ADGRL3: variants seen among roughly 807,000 people sequenced by gnomAD.
The protein encoded by ADGRL3 is adhesion G protein-coupled receptor L3, also known as calcium-independent alpha-latrotoxin receptor 3.
In ADGRL3, 62 loss-of-function variants were observed where a neutral mutation model predicts 153.5. The ratio of observed to expected loss-of-function variants is 0.40; its 90% CI spans 0.33 to 0.50. The LOEUF is 0.50. Among genes scored for constraint, ADGRL3 ranks in the 20% least tolerant of loss-of-function variants. The probability of loss-of-function intolerance (pLI) is 0.47; values close to 1 mark genes in which losing one functional copy is unlikely to be tolerated. For missense variants in ADGRL3, 1,641 were observed against 1,859.4 expected (o/e 0.88, Z 2.16); for synonymous variants, 710 against 672.5 (o/e 1.06, Z -0.86).
chr4:61,262,998 G>A (rs1485298500), intron 1 of ADGRL3, among the ~76,000 whole-genome samples: 1 of 151,956 alleles, frequency 6.6e-6, no homozygotes. Context: ...TAGGATCTGT[G>A]CATATTTATA....
chr4:61,592,781 A>T (rs1156582249), intron 5 of ADGRL3, among the ~76,000 whole-genome samples: 1 of 152,180 alleles, frequency 6.6e-6, no homozygotes, highest in Non-Finnish European at 1.5e-5. Flanking sequence ...AGAGTTAAAA[A>T]ATTTAGTAAA....
chr4:61,406,831 G>A lies in ADGRL3; in HGVS notation c.-174+23642G>A, dbSNP rs2097005426. 7.2e-5 allele frequency among the ~76,000 whole-genome samples: 11 copies of A among 151,986 alleles called. No homozygotes were observed. In the South Asian group the frequency reaches 2.1e-3, roughly 29 times the overall value. On this transcript the variant is annotated intron_variant, in intron 2 of 26. Transcript: ENST00000683033. ...ACACTGTTAGTATTGTTCTTTAATA[G>A]GTGAGCTTATCTCCTATAATGGCTA...
chr4:61,964,281 A>G (rs1356463140), intron 17 of ADGRL3, among the ~76,000 whole-genome samples: 1 of 152,204 alleles, frequency 6.6e-6, no homozygotes, highest in Non-Finnish European at 1.5e-5. Context: ...TAAGAATCGT[A>G]TTGAGAATTA....
intron 26 of ADGRL3, among the ~76,000 whole-genome samples, chr4:62,069,579 A>T (rs994285050): frequency 6.6e-6 from 1 of 152,064 alleles, no homozygotes; most frequent in African/African-American, 2.4e-5. Flanking sequence ...TACAAAATTA[A>T]ATATCAATTT....
chr4:61,237,345 T>C (rs886858233), intron 1 of ADGRL3, among the ~76,000 whole-genome samples: 6 of 152,196 alleles, frequency 3.9e-5, no homozygotes, highest in African/African-American at 1.4e-4. Flanking sequence ...TTTCTGTTGG[T>C]TGTTTAAATA....
At chr4:61,436,037 T>G (rs909011096) in intron 2 of ADGRL3, among the ~76,000 whole-genome samples, 1 of 152,190 alleles carries the variant, frequency 6.6e-6, no homozygotes, top group Non-Finnish European at 1.5e-5. Flanking sequence ...TAAAAACCTT[T>G]TGAATGCAGA....
At chr4:61,391,164 T>A (rs1210578724) in intron 2 of ADGRL3, among the ~76,000 whole-genome samples, 1 of 152,160 alleles carries the variant, frequency 6.6e-6, no homozygotes, top group Non-Finnish European at 1.5e-5. Flanking sequence ...TTATTGTGGC[T>A]CATAGTTCTC....
chr4:61,378,221 AT>A (rs1008577125), intron 1 of ADGRL3, among the ~76,000 whole-genome samples: 3 of 151,932 alleles, frequency 2.0e-5, no homozygotes, highest in Non-Finnish European at 4.4e-5. Context: ...ACATTTCCTA[AT>A]TTGTTAAATG....
At chr4:61,639,222 A>C (rs1297289759) in intron 5 of ADGRL3, among the ~76,000 whole-genome samples, 1 of 152,056 alleles carries the variant, frequency 6.6e-6, no homozygotes, top group South Asian at 2.1e-4. Context: ...CCATTCCCCT[A>C]TTGCCTCATG....
chr4:61,288,449 T>C (rs929207005), intron 1 of ADGRL3, among the ~76,000 whole-genome samples: 2 of 151,974 alleles, frequency 1.3e-5, no homozygotes, highest in Non-Finnish European at 2.9e-5. Flanking sequence ...TTTAAAAATC[T>C]CTGGTTAAGA....
chr4:61,862,031 A>G (rs749991847), intron 9 of ADGRL3, among the ~76,000 whole-genome samples: 2 of 152,192 alleles, frequency 1.3e-5, no homozygotes, highest in East Asian at 1.9e-4. Context: ...TGCAAGTCAT[A>G]TAGCATCACT....
At chr4:62,031,726 A>T in intron 23 of ADGRL3, 116 bp downstream of exon 23, 1 of 706,672 alleles carries the variant, frequency 1.4e-6, no homozygotes, top group Non-Finnish European at 2.2e-6. Flanking sequence ...AAATAAAGAT[A>T]CTCATCATTT....
chr4:61,300,981 T>C (rs1456477208), intron 1 of ADGRL3, among the ~76,000 whole-genome samples: 1 of 152,122 alleles, frequency 6.6e-6, no homozygotes, highest in Non-Finnish European at 1.5e-5. Context: ...GCCAGTCTGG[T>C]TTTGAACTCC....
In ADGRL3 at chr4:61,775,685, A is replaced by C. The variant is rs565864153; in HGVS notation, c.1400-38124A>C. On this transcript the variant is annotated intron_variant, in intron 8 of 26. Coordinates refer to ENST00000683033, the MANE Select transcript of ADGRL3 (RefSeq NM_001387552.1). ...TTGACATACATCACAGGCTCATCAC[A>C]GTTGGATGCAAGCACACAAAGGTGG... The C allele has an allele frequency of 2.5e-5, 37 of 1,487,114 alleles. No homozygotes were observed. In the Admixed American group the frequency reaches 2.5e-4, roughly 10 times the overall value. The allele number at this position is 1,487,114 out of a possible 1,614,324, so 92.1% of individuals were successfully genotyped here.
intron 6 of ADGRL3, among the ~76,000 whole-genome samples, chr4:61,725,402 C>T (rs569560605): frequency 5.8e-4 from 89 of 152,144 alleles, no homozygotes; most frequent in African/African-American, 2.0e-3. Flanking sequence ...CACATCCTGG[C>T]TTACACAGTG....
intron 9 of ADGRL3, among the ~76,000 whole-genome samples, chr4:61,837,823 A>G (rs904364343): frequency 3.3e-5 from 5 of 152,152 alleles, no homozygotes; most frequent in Non-Finnish European, 7.4e-5. Flanking sequence ...TCTTCTAGGA[A>G]GAAACAATTA....
At chr4:61,532,537 C>CGG (rs755297007) in intron 4 of ADGRL3, among the ~76,000 whole-genome samples, 16 of 90,322 alleles carry the variant, frequency 1.8e-4, no homozygotes, top group Admixed American at 7.5e-4. Flanking sequence ...TGCATGCGCG[C>CGG]GCGCGCGCGC....
intron 9 of ADGRL3, among the ~76,000 whole-genome samples, chr4:61,873,231 A>T (rs1458965963): frequency 6.6e-6 from 1 of 152,190 alleles, no homozygotes; most frequent in Non-Finnish European, 1.5e-5. Flanking sequence ...GGCATTGAAC[A>T]TCGTTGAAAG....
At chr4:61,961,055 C>A (rs564653251) in intron 17 of ADGRL3, among the ~76,000 whole-genome samples, 1 of 152,238 alleles carries the variant, frequency 6.6e-6, no homozygotes, top group East Asian at 1.9e-4. Flanking sequence ...CAGGTCTTTA[C>A]GTCTAACCCC....
Sources: allele counts gnomAD v4.1 joint callset (sites outside exome capture counted in the v4.1 genomes callset), GRCh38; gene constraint gnomAD v4.1.1; transcripts MANE v1.5; gene names NCBI Gene and HGNC (gene_info 2026-07-23, HGNC 2026-07-21).